The following MACROD2 variants were observed in gnomAD, a reference collection of about 807,000 sequenced individuals.
The protein encoded by MACROD2 is mono-ADP ribosylhydrolase 2, also known as ADP-ribose glycohydrolase MACROD2.
MACROD2 carries 36 observed loss-of-function variants against 70.4 expected under a neutral mutation model. That is an observed-to-expected ratio of 0.51 (90% CI 0.39 to 0.68). The LOEUF (loss-of-function observed/expected upper bound fraction) is 0.68, where lower values mean the gene tolerates loss of function less well. Ranked by LOEUF, MACROD2 falls within the 30% of genes least tolerant of loss-of-function variation. The pLI is 0.00. For missense variants in MACROD2, 496 were observed against 538.4 expected (o/e 0.92, Z 0.78); for synonymous variants, 172 against 178.8 (o/e 0.96, Z 0.30).
intron 8 of MACROD2, among the ~76,000 whole-genome samples, chr20:15,734,062 C>G (rs1269374642): frequency 6.6e-6 from 1 of 152,092 alleles, no homozygotes; most frequent in Non-Finnish European, 1.5e-5. Context: ...TAACTCTGAT[C>G]TGGGCAAGGG....
chr20:14,273,345 C>A (rs1439137113), intron 3 of MACROD2, among the ~76,000 whole-genome samples: 2 of 151,456 alleles, frequency 1.3e-5, no homozygotes, highest in African/African-American at 4.9e-5. Flanking sequence ...GAAACTCACT[C>A]AAAACTGCTC....
intron 8 of MACROD2, among the ~76,000 whole-genome samples, chr20:15,817,038 G>T (rs1448227954): frequency 6.6e-6 from 1 of 152,138 alleles, no homozygotes; most frequent in Non-Finnish European, 1.5e-5. Flanking sequence ...CGGAGGCTAA[G>T]CCTTTGTAAG....
chr20:15,033,696 A>T (rs2075292365), intron 5 of MACROD2, among the ~76,000 whole-genome samples: 1 of 152,226 alleles, frequency 6.6e-6, no homozygotes, highest in African/African-American at 2.4e-5. Context: ...GTAGCTTCAG[A>T]ATCATCATTC....
intron 5 of MACROD2, among the ~76,000 whole-genome samples, chr20:14,899,618 C>CTAA (rs1441918181): frequency 5.3e-5 from 8 of 152,112 alleles, no homozygotes; most frequent in African/African-American, 1.9e-4. Flanking sequence ...CCCTAATGAC[C>CTAA]TCTGTTAACT....
chr20:14,023,118 C>T (rs1266845706), intron 2 of MACROD2, among the ~76,000 whole-genome samples: 2 of 152,200 alleles, frequency 1.3e-5, no homozygotes, highest in Non-Finnish European at 2.9e-5. Flanking sequence ...GAGATAGTAT[C>T]TCATTGTGGT....
At chr20:15,956,477 CAT>C (rs1231933815) in intron 12 of MACROD2, among the ~76,000 whole-genome samples, 1 of 152,204 alleles carries the variant, frequency 6.6e-6, no homozygotes, top group Non-Finnish European at 1.5e-5. Context: ...CTCCTCATCA[CAT>C]GTTAGAGGCT....
intron 5 of MACROD2, among the ~76,000 whole-genome samples, chr20:15,088,127 T>C (rs1219294374): frequency 6.6e-6 from 1 of 151,802 alleles, no homozygotes; most frequent in Non-Finnish European, 1.5e-5. Context: ...ATAATGCCAG[T>C]GCTCATTTGC....
intron 4 of MACROD2, among the ~76,000 whole-genome samples, chr20:14,668,356 G>T (rs890855528): frequency 1.3e-5 from 2 of 152,110 alleles, no homozygotes; most frequent in African/African-American, 4.8e-5. Context: ...GGAATAAGGG[G>T]TAGAAAACTG....
intron 5 of MACROD2, among the ~76,000 whole-genome samples, chr20:14,700,021 CTAGAAGTTTAAAGTTTA>C (rs1568745680): frequency 1.3e-5 from 2 of 149,242 alleles, no homozygotes; most frequent in African/African-American, 5.1e-5. Flanking sequence ...AAGTTTAAAT[CTAGAAGTTTAAAGTTTA>C]AAGTTTAAAT....
intron 5 of MACROD2, among the ~76,000 whole-genome samples, chr20:14,827,150 A>G (rs966751332): frequency 2.0e-5 from 3 of 152,056 alleles, no homozygotes; most frequent in Non-Finnish European, 4.4e-5. Context: ...ATTTGCTGTT[A>G]TGGAACTACT....
chr20:15,921,081 A>T (rs1401849365), intron 10 of MACROD2, among the ~76,000 whole-genome samples: 3 of 152,078 alleles, frequency 2.0e-5, no homozygotes, highest in African/African-American at 7.3e-5. Flanking sequence ...TTCCTACCCC[A>T]CAAAACAGCC....
chr20:15,154,107 G>A (rs910633424), intron 5 of MACROD2, among the ~76,000 whole-genome samples: 3 of 152,070 alleles, frequency 2.0e-5, no homozygotes, highest in Admixed American at 6.6e-5. Context: ...TTTACCTCTG[G>A]CCATGAAGAA....
chr20:14,376,503 T>C (rs2047761369), intron 3 of MACROD2, among the ~76,000 whole-genome samples: 1 of 152,074 alleles, frequency 6.6e-6, no homozygotes, highest in Non-Finnish European at 1.5e-5. Context: ...ATCCCAGCAC[T>C]TTGGGAGGCC....
In MACROD2 at chr20:14,851,355, C is replaced by T. The variant is rs149544028; in HGVS notation, c.418+166396C>T. ...TGCTAATGAATTTTGGTCCCCAGCA[C>T]AGAACAATTACAATGGAATATGAGG... On this transcript the variant is annotated intron_variant, in intron 5 of 17. Transcript: ENST00000684519. Among the ~76,000 whole-genome samples the T allele has an allele frequency of 2.2e-3, 333 of 152,230 alleles. 2 individuals are homozygous for T. The highest frequency in any genetic ancestry group is 3.4e-3 in the Middle Eastern group (1 of 294).
At chr20:15,875,343 G>A (rs771550789) in intron 9 of MACROD2, among the ~76,000 whole-genome samples, 4 of 152,082 alleles carry the variant, frequency 2.6e-5, no homozygotes, top group Non-Finnish European at 4.4e-5. Context: ...ATTCAATGTA[G>A]AGAAAAACTA....
At chr20:15,828,770 A>G (rs2064024100) in intron 8 of MACROD2, among the ~76,000 whole-genome samples, 1 of 152,244 alleles carries the variant, frequency 6.6e-6, no homozygotes, top group East Asian at 1.9e-4. Flanking sequence ...GTTCAGCAAC[A>G]CGCTGCTTAT....
intron 2 of MACROD2, among the ~76,000 whole-genome samples, chr20:14,034,701 A>G (rs2053286717): frequency 1.3e-5 from 2 of 152,238 alleles, no homozygotes; most frequent in Admixed American, 6.5e-5. Flanking sequence ...ATTATAACAA[A>G]TAACATTTAT....
intron 3 of MACROD2, among the ~76,000 whole-genome samples, chr20:14,331,057 G>A (rs1018185787): frequency 6.6e-6 from 1 of 152,040 alleles, no homozygotes; most frequent in Non-Finnish European, 1.5e-5. Context: ...GTTACCAAGA[G>A]TCAAGCATTT....
At chr20:15,989,141 C>T (rs1227895964) in intron 15 of MACROD2, among the ~76,000 whole-genome samples, 1 of 152,122 alleles carries the variant, frequency 6.6e-6, no homozygotes, top group Non-Finnish European at 1.5e-5. Flanking sequence ...AGAATGCACT[C>T]CATAAGTATT....
Sources: allele counts gnomAD v4.1 joint callset (sites outside exome capture counted in the v4.1 genomes callset), GRCh38; gene constraint gnomAD v4.1.1; transcripts MANE v1.5; gene names NCBI Gene and HGNC (gene_info 2026-07-23, HGNC 2026-07-21).